Variants in KIAA1549L observed in about 807,000 individuals in gnomAD.
KIAA1549L encodes KIAA1549 like.
Under a neutral mutation model 160.7 loss-of-function variants are expected in KIAA1549L, and 88 were observed. The ratio of observed to expected loss-of-function variants is 0.55; its 90% CI spans 0.46 to 0.65. The LOEUF (loss-of-function observed/expected upper bound fraction) is 0.65. Ranked by LOEUF, KIAA1549L falls within the 30% of genes least tolerant of loss-of-function variation. The pLI is 0.00. For synonymous variants in KIAA1549L, 950 were observed against 976.7 expected (o/e 0.97, Z 0.51); for missense variants, 2,258 against 2,437.5 (o/e 0.93, Z 1.55).
intron 1 of KIAA1549L, among the ~76,000 whole-genome samples, chr11:33,416,935 AC>A (rs1850900389): frequency 6.6e-6 from 1 of 152,174 alleles, no homozygotes. Context: ...CATCCTGCAC[AC>A]ACCTGTAATT....
intron 1 of KIAA1549L, among the ~76,000 whole-genome samples, chr11:33,496,127 C>A (rs888655057): frequency 3.3e-5 from 5 of 152,230 alleles, no homozygotes; most frequent in East Asian, 3.9e-4. Context: ...CTACACCTGG[C>A]TAATTTTTGT....
rs140668758 is a variant in KIAA1549L, at chr11:33,453,025, A to G, written c.238+76136A>G. ...TGCTTAAGAAGGAATCTTTCCAGCC[A>G]GACTTAGACTTTTAAGATTCTTTGG... On this transcript the variant is annotated intron_variant, in intron 1 of 20. Transcript: ENST00000658780. Among the ~76,000 whole-genome samples, 499 of 152,364 alleles carry G rather than the reference A, an allele frequency of 3.3e-3. 2 individuals carry two copies. Among genetic ancestry groups the G allele is most frequent in the African/African-American group, 0.011 (466 of 41,594 alleles).
chr11:33,609,398 C>T (rs187519289), intron 14 of KIAA1549L, among the ~76,000 whole-genome samples: 91 of 152,290 alleles, frequency 6.0e-4, no homozygotes, highest in African/African-American at 2.0e-3. Flanking sequence ...TGAGAACTGG[C>T]GGAGGCACCC....
intron 1 of KIAA1549L, among the ~76,000 whole-genome samples, chr11:33,443,786 C>T (rs545831570): frequency 1.3e-5 from 2 of 151,666 alleles, no homozygotes; most frequent in Admixed American, 6.6e-5. Flanking sequence ...TGAAGAGGCA[C>T]CCAGAATATT....
chr11:33,632,532 C>T (rs565197657), intron 16 of KIAA1549L, among the ~76,000 whole-genome samples: 17 of 152,202 alleles, frequency 1.1e-4, no homozygotes, highest in African/African-American at 4.1e-4. Context: ...ATGCTGAGGC[C>T]ATCACAGTGC....
chr11:33,578,736 A>T (rs930313163), intron 10 of KIAA1549L, among the ~76,000 whole-genome samples: 1 of 152,128 alleles, frequency 6.6e-6, no homozygotes, highest in Non-Finnish European at 1.5e-5. Context: ...ATCTAAAGCC[A>T]CATAGGGGTT....
intron 8 of KIAA1549L, among the ~76,000 whole-genome samples, chr11:33,563,150 G>T (rs540251836): frequency 6.6e-6 from 1 of 151,664 alleles, no homozygotes; most frequent in South Asian, 2.1e-4. Context: ...TTGAGGTCAG[G>T]AGTTCAAAAC....
intron 7 of KIAA1549L, among the ~76,000 whole-genome samples, chr11:33,560,382 C>T (rs1854812967): frequency 6.6e-6 from 1 of 152,198 alleles, no homozygotes; most frequent in Admixed American, 6.5e-5. Flanking sequence ...CAACCGATCT[C>T]TGAGCAATCT....
intron 1 of KIAA1549L, among the ~76,000 whole-genome samples, chr11:33,525,879 C>T (rs1472863234): frequency 2.0e-5 from 3 of 152,014 alleles, no homozygotes; most frequent in Non-Finnish European, 4.4e-5. Context: ...TATGACACAG[C>T]AGAGGCAGCC....
At chr11:33,403,308 C>CA (rs1590221422) in intron 1 of KIAA1549L, 1 of 11,894 alleles carries the variant, frequency 8.4e-5, no homozygotes, top group Non-Finnish European at 1.8e-4. Context: ...CACGCATACA[C>CA]GGACACAGAC....
At chr11:33,547,637 T>C (rs1854309642) in intron 3 of KIAA1549L, 127 bp from the exon 4 acceptor site, 2 of 624,486 alleles carry the variant, frequency 3.2e-6, no homozygotes, top group Non-Finnish European at 5.7e-6. Context: ...ACCCCCTCAA[T>C]GATGGCCCTG....
intron 1 of KIAA1549L, among the ~76,000 whole-genome samples, chr11:33,530,414 GAAAAAAAAAAAAA>G (rs71457306): frequency 4.4e-3 from 72 of 16,540 alleles, no homozygotes; most frequent in Admixed American, 7.4e-3. Flanking sequence ...GAAGAAGAAG[GAAAAAAAAAAAAA>G]AAAAAAAAAA....
rs1186968164 is a variant in KIAA1549L at position 33,539,782 on chromosome 11, A to G, written c.239-2020A>G. ...AAACTCATTGGCTGGAACTAGTTAC[A>G]TGGCCCCCATCAACCACAGAAGTAT... On this transcript the variant is annotated intron_variant, in intron 1 of 20. Coordinates refer to ENST00000658780, the MANE Select transcript of KIAA1549L (RefSeq NM_012194.3). Among the ~76,000 whole-genome samples the G allele has an allele frequency of 4.6e-5, 7 of 152,178 alleles. No homozygotes were observed. In the East Asian group the frequency reaches 1.2e-3, roughly 25 times the overall value.
At chr11:33,528,433 C>G (rs897964713) in intron 1 of KIAA1549L, among the ~76,000 whole-genome samples, 8 of 152,188 alleles carry the variant, frequency 5.3e-5, no homozygotes, top group African/African-American at 1.9e-4. Context: ...CCTTAAAGAA[C>G]TGAAAGTAAA....
At chr11:33,609,404 C>T (rs915749785) in intron 14 of KIAA1549L, among the ~76,000 whole-genome samples, 1 of 152,224 alleles carries the variant, frequency 6.6e-6, no homozygotes, top group Non-Finnish European at 1.5e-5. Context: ...CTGGCGGAGG[C>T]ACCCACACAG....
At chr11:33,602,071 A>G (rs914078391) in intron 13 of KIAA1549L, among the ~76,000 whole-genome samples, 1 of 152,246 alleles carries the variant, frequency 6.6e-6, no homozygotes, top group Non-Finnish European at 1.5e-5. Context: ...AAAATAATAC[A>G]TATCTTTGCA....
At position 33,598,825 on chromosome 11, in the gene KIAA1549L, C is replaced by T. The variant is rs545799797; in HGVS notation, c.4757C>T (p.Ser1586Leu). Residue 1586 changes from serine (S) to leucine (L), a missense_variant, in exon 13 of 21, where the codon TCG (serine) becomes TTG (leucine). Coordinates refer to ENST00000658780, the MANE Select transcript of KIAA1549L (RefSeq NM_012194.3). ...GTTGCTATGGTTACCTCCAGCAGGT[C>T]GCCCAGTGAGAATGGCTCTGTCATC... Reference protein sequence around the residue: ...AKSTETRKSRSPSENGSVISN... With the variant: ...AKSTETRKSRLPSENGSVISN... The T allele has an allele frequency of 1.5e-5, 25 of 1,613,844 alleles. No homozygotes were observed. The highest frequency in any genetic ancestry group is 5.3e-5 in the African/African-American group (4 of 75,020).
At chr11:33,599,676 C>T (rs1016073781) in intron 13 of KIAA1549L, among the ~76,000 whole-genome samples, 2 of 152,166 alleles carry the variant, frequency 1.3e-5, no homozygotes, top group Non-Finnish European at 2.9e-5. Context: ...CTATAGATGG[C>T]CTCTGTCAAC....
chr11:33,565,737 G>T (rs1451188293), intron 8 of KIAA1549L, among the ~76,000 whole-genome samples: 2 of 148,694 alleles, frequency 1.3e-5, no homozygotes, highest in Non-Finnish European at 3.0e-5. Context: ...ATTTTTATTG[G>T]CTGGGTGTGT....
Sources: gnomAD v4.1 joint callset for allele counts (sites outside exome capture counted in the v4.1 genomes callset) on GRCh38, gnomAD v4.1.1 for gene constraint, MANE v1.5 for transcripts, NCBI Gene and HGNC (gene_info 2026-07-23, HGNC 2026-07-21) for gene names.